The following HS3ST4 variants were observed in gnomAD, a reference collection of about 807,000 sequenced individuals.
HS3ST4 encodes the protein heparan sulfate glucosamine 3-O-sulfotransferase 4.
In HS3ST4, 17 loss-of-function variants were observed where a neutral mutation model predicts 29.2. The ratio of observed to expected loss-of-function variants is 0.58; its 90% CI spans 0.40 to 0.87. HS3ST4 has a LOEUF of 0.87. Ranked by LOEUF, HS3ST4 falls within the 40% of genes least tolerant of loss-of-function variation. The probability of loss-of-function intolerance (pLI) is 0.00; values close to 1 mark genes in which losing one functional copy is unlikely to be tolerated. For synonymous variants in HS3ST4, 314 were observed against 285.7 expected (o/e 1.10, Z -1.00); for missense variants, 627 against 634.5 (o/e 0.99, Z 0.13).
At chr16:26,000,943 G>A (rs1969206562) in intron 1 of HS3ST4, among the ~76,000 whole-genome samples, 1 of 152,108 alleles carries the variant, frequency 6.6e-6, no homozygotes, top group Non-Finnish European at 1.5e-5. Context: ...TTTCAAAAAT[G>A]TCAAAGTCAT....
At chr16:25,963,889 A>G (rs1229325272) in intron 1 of HS3ST4, among the ~76,000 whole-genome samples, 2 of 152,142 alleles carry the variant, frequency 1.3e-5, no homozygotes, top group Non-Finnish European at 2.9e-5. Context: ...AAAGTCCCTA[A>G]GGCTGGGCGA....
intron 1 of HS3ST4, among the ~76,000 whole-genome samples, chr16:25,964,110 G>C (rs1968820110): frequency 1.3e-5 from 2 of 151,856 alleles, no homozygotes; most frequent in Non-Finnish European, 2.9e-5. Context: ...GGGAAGAGGA[G>C]GTGGCAGGGA....
chr16:26,111,391 C>CTT (rs34710649), intron 1 of HS3ST4, among the ~76,000 whole-genome samples: 3 of 147,186 alleles, frequency 2.0e-5, no homozygotes, highest in Admixed American at 2.0e-4. Context: ...AGAAGGAGGT[C>CTT]TTTTTTTTTT....
At chr16:26,007,394 G>A (rs1029734105) in intron 1 of HS3ST4, among the ~76,000 whole-genome samples, 2 of 152,226 alleles carry the variant, frequency 1.3e-5, no homozygotes, top group Non-Finnish European at 2.9e-5. Context: ...TCATACGGAA[G>A]TGGATTCAGG....
At chr16:25,813,603 TAAAC>T (rs1381749189) in intron 1 of HS3ST4, among the ~76,000 whole-genome samples, 4 of 152,078 alleles carry the variant, frequency 2.6e-5, no homozygotes, top group African/African-American at 9.7e-5. Flanking sequence ...CTCAAACAAA[TAAAC>T]AGACAAAAAC....
chr16:25,901,557 C>T (rs1475651446), intron 1 of HS3ST4, among the ~76,000 whole-genome samples: 1 of 152,154 alleles, frequency 6.6e-6, no homozygotes, highest in Non-Finnish European at 1.5e-5. Context: ...CATCTGTAAT[C>T]CCAGCTACTC....
intron 1 of HS3ST4, among the ~76,000 whole-genome samples, chr16:25,951,958 A>G (rs1262316836): frequency 6.6e-6 from 1 of 151,976 alleles, no homozygotes; most frequent in Non-Finnish European, 1.5e-5. Context: ...CTGCACATGT[A>G]CCCTGGAACT....
chr16:25,788,170 C>T (rs8047046), intron 1 of HS3ST4, among the ~76,000 whole-genome samples: 13,312 of 152,116 alleles, frequency 0.088, 609 homozygotes, highest in African/African-American at 0.1. Context: ...ACCAACACTT[C>T]GGGAGGCTGA....
rs143117483 is a variant in HS3ST4, at chr16:25,786,713, G to A, written c.734+93562G>A. Among the ~76,000 whole-genome samples, 945 of 152,118 alleles carry A rather than the reference G, an allele frequency of 6.2e-3. 8 individuals carry two copies. The highest frequency in any genetic ancestry group is 0.021 in the African/African-American group (885 of 41,476). Reference sequence around the variant, plus strand: ...GAATGCATGTTGTACAAGAACTATCGCACATAATTGGAAAGGTCACTAGTG... The same window carrying A: ...GAATGCATGTTGTACAAGAACTATCACACATAATTGGAAAGGTCACTAGTG... On this transcript the variant is annotated intron_variant, in intron 1 of 1. Transcript: ENST00000331351.
chr16:26,119,036 G>T (rs1198640682), intron 1 of HS3ST4, among the ~76,000 whole-genome samples: 1 of 152,178 alleles, frequency 6.6e-6, no homozygotes, highest in Non-Finnish European at 1.5e-5. Flanking sequence ...TAGTATCAAT[G>T]AAACATTATT....
intron 1 of HS3ST4, among the ~76,000 whole-genome samples, chr16:25,899,134 G>T (rs547336132): frequency 1.3e-5 from 2 of 152,302 alleles, no homozygotes; most frequent in African/African-American, 4.8e-5. Context: ...ATGACTGAAA[G>T]ATCCTGTCCT....
intron 1 of HS3ST4, among the ~76,000 whole-genome samples, chr16:25,983,396 C>T (rs540537404): frequency 4.6e-5 from 7 of 152,312 alleles, no homozygotes; most frequent in Admixed American, 6.5e-5. Flanking sequence ...AATGGGATGA[C>T]GTGCATATGA....
chr16:25,938,148 A>G (rs1968535675), intron 1 of HS3ST4, among the ~76,000 whole-genome samples: 1 of 152,196 alleles, frequency 6.6e-6, no homozygotes, highest in Non-Finnish European at 1.5e-5. Context: ...AAAGTCAAGC[A>G]TAGCATTAGC....
intron 1 of HS3ST4, among the ~76,000 whole-genome samples, chr16:25,792,865 T>G (rs932368489): frequency 6.6e-6 from 1 of 151,862 alleles, no homozygotes; most frequent in Non-Finnish European, 1.5e-5. Context: ...TTTTCCAAAT[T>G]TTTGAGCTAG....
chr16:26,028,688 C>T (rs887427536), intron 1 of HS3ST4, among the ~76,000 whole-genome samples: 1 of 152,202 alleles, frequency 6.6e-6, no homozygotes, highest in South Asian at 2.1e-4. Context: ...CCCAAACTAT[C>T]CCACATCTCC....
intron 1 of HS3ST4, among the ~76,000 whole-genome samples, chr16:26,106,163 C>T (rs1478440326): frequency 6.6e-6 from 1 of 152,156 alleles, no homozygotes; most frequent in Non-Finnish European, 1.5e-5. Flanking sequence ...TAACAGACTC[C>T]TTATCAGTCT....
At position 25,920,601 on chromosome 16, in the gene HS3ST4, C is replaced by CG. The variant is rs1567272666; in HGVS notation, c.735-215011_735-215010insG. 4.3e-5 allele frequency among the ~76,000 whole-genome samples: 6 copies of CG among 139,736 alleles called. 1 individual carries two copies. Among genetic ancestry groups the CG allele is most frequent in the Admixed American group, 7.0e-5 (1 of 14,294 alleles). The allele number at this position is 139,736 out of a possible 152,430, so 91.7% of individuals were successfully genotyped here. ...AAATCCTTCCCCTCACTGCCGCCCC[C>CG]ACCCCTCTTTTTTTTTTTTGAAACA... On this transcript the variant is annotated intron_variant, in intron 1 of 1. Transcript: ENST00000331351.
chr16:25,961,729 T>C (rs1968794686), intron 1 of HS3ST4, among the ~76,000 whole-genome samples: 3 of 152,058 alleles, frequency 2.0e-5, no homozygotes, highest in South Asian at 4.1e-4. Flanking sequence ...AATTCATTAC[T>C]AAAAAGGAAA....
At chr16:25,895,683 C>T (rs1968055235) in intron 1 of HS3ST4, among the ~76,000 whole-genome samples, 1 of 151,794 alleles carries the variant, frequency 6.6e-6, no homozygotes. Flanking sequence ...AGCCTGCTTC[C>T]TGGTTTGCAG....
Sources: allele counts gnomAD v4.1 joint callset (sites outside exome capture counted in the v4.1 genomes callset), GRCh38; gene constraint gnomAD v4.1.1; transcripts MANE v1.5; gene names NCBI Gene and HGNC (gene_info 2026-07-23, HGNC 2026-07-21).